NPAS2: variants seen among roughly 807,000 people sequenced by gnomAD.
The protein encoded by NPAS2 is neuronal PAS domain-containing protein 2.
NPAS2 carries 23 observed loss-of-function variants against 107.5 expected under a neutral mutation model. The observed-to-expected ratio is 0.21, with a 90% CI of 0.15 to 0.30. The LOEUF (loss-of-function observed/expected upper bound fraction) is 0.30. Ranked by LOEUF, NPAS2 falls within the 10% of genes least tolerant of loss-of-function variation. The pLI, the probability that NPAS2 is intolerant of heterozygous loss-of-function variation, is 1.00. For missense variants in NPAS2, 756 were observed against 1,043.3 expected, an observed-to-expected ratio of 0.72 and a Z score of 3.79; for synonymous variants, 403 against 417.5, an observed-to-expected ratio of 0.97 and a Z score of 0.42.
intron 2 of NPAS2, among the ~76,000 whole-genome samples, chr2:100,905,816 A>G (rs1180637428): frequency 6.6e-6 from 1 of 152,170 alleles, no homozygotes; most frequent in African/African-American, 2.4e-5. Flanking sequence ...TGTAAATGGT[A>G]GTGCCCTCAG....
rs1018488303 is a variant in NPAS2, at chr2:100,995,939, C to T, written c.*357C>T. 8 of 1,383,474 alleles carry T rather than the reference C, an allele frequency of 5.8e-6. No homozygotes were observed. The African/African-American group carries it at 7.2e-5, about 12-fold the overall frequency. The allele number at this position is 1,383,474 out of a possible 1,614,324, so 85.7% of individuals were successfully genotyped here. On this transcript the variant is annotated 3_prime_UTR_variant, in exon 21 of 21. Coordinates refer to ENST00000335681, the MANE Select transcript of NPAS2 (RefSeq NM_002518.4). ...TTGCTCTAGCCACCTGCGGCCCGCC[C>T]ATCTGCGCTAGCTGGCCTTCACGCT...
At chr2:100,860,626 T>C (rs1678879827) in intron 1 of NPAS2, among the ~76,000 whole-genome samples, 1 of 152,230 alleles carries the variant, frequency 6.6e-6, no homozygotes, top group South Asian at 2.1e-4. Context: ...GGAGGAGCTT[T>C]CCTTCTCCTC....
intron 20 of NPAS2, 127 bp from the exon 21 acceptor site, chr2:100,995,273 A>C: frequency 1.1e-5 from 8 of 702,304 alleles, no homozygotes; most frequent in Admixed American, 3.0e-5. Context: ...CTCTCCCCAC[A>C]TGACCCCCCA....
At chr2:100,843,819 T>A (rs1339821209) in intron 1 of NPAS2, among the ~76,000 whole-genome samples, 1 of 152,180 alleles carries the variant, frequency 6.6e-6, no homozygotes, top group Non-Finnish European at 1.5e-5. Context: ...GAATAATTCC[T>A]TTTCAGAGTG....
At chr2:100,910,380 TAGAC>T (rs1682464272) in intron 2 of NPAS2, among the ~76,000 whole-genome samples, 1 of 152,144 alleles carries the variant, frequency 6.6e-6, no homozygotes, top group African/African-American at 2.4e-5. Context: ...CTCGGGAGAA[TAGAC>T]AGCCTCAGCT....
At chr2:100,941,075 G>A (rs1219488244) in intron 5 of NPAS2, among the ~76,000 whole-genome samples, 1 of 152,194 alleles carries the variant, frequency 6.6e-6, no homozygotes, top group Non-Finnish European at 1.5e-5. Flanking sequence ...AGAGCAGCCA[G>A]AATTCCTTCC....
chr2:100,979,527 TTCTGAGACGGAG>T (rs1677299359), intron 15 of NPAS2, among the ~76,000 whole-genome samples: 1 of 116,590 alleles, frequency 8.6e-6, no homozygotes, highest in South Asian at 2.8e-4. Context: ...TTTTTTTTTT[TTCTGAGACGGAG>T]TTTCACTCTT....
chr2:100,943,590 G>T (rs961043001), intron 5 of NPAS2, among the ~76,000 whole-genome samples: 2 of 152,250 alleles, frequency 1.3e-5, no homozygotes, highest in East Asian at 1.9e-4. Flanking sequence ...CAGGGCCACA[G>T]GGGGCTGCAC....
At chr2:100,869,947 C>G (rs2104567559) in intron 1 of NPAS2, among the ~76,000 whole-genome samples, 1 of 146,218 alleles carries the variant, frequency 6.8e-6, no homozygotes, top group Admixed American at 6.9e-5. Context: ...CTCTGTCGCC[C>G]AGGCTGGAGT....
chr2:100,912,459 A>T (rs1283392578), intron 2 of NPAS2, among the ~76,000 whole-genome samples: 2 of 152,130 alleles, frequency 1.3e-5, no homozygotes, highest in East Asian at 3.9e-4. Context: ...CTATGTAACA[A>T]ACCACCCCAA....
chr2:100,848,797 A>G (rs979596448), intron 1 of NPAS2, among the ~76,000 whole-genome samples: 4 of 152,238 alleles, frequency 2.6e-5, no homozygotes, highest in Non-Finnish European at 4.4e-5. Context: ...TTTATGTCCA[A>G]TAAGACTCTC....
chr2:100,857,395 G>A lies in NPAS2; in HGVS notation c.-23+36981G>A, dbSNP rs138260451. On this transcript the variant is annotated intron_variant, in intron 1 of 20. Transcript: ENST00000335681. The stretch of plus-strand genomic sequence containing the variant: ...TGCTGAGCCCTTCCATATAGTAGAT[G>A]GCAGGGACATGGAAATAAAAAGCTC... 5.0e-3 allele frequency among the ~76,000 whole-genome samples: 762 copies of A among 152,150 alleles called. 6 individuals are homozygous for A. Among genetic ancestry groups the A allele is most frequent in the African/African-American group, 0.016 (652 of 41,500 alleles).
chr2:100,920,529 A>G (rs1259692024), intron 2 of NPAS2, among the ~76,000 whole-genome samples: 2 of 152,090 alleles, frequency 1.3e-5, no homozygotes, highest in Non-Finnish European at 2.9e-5. Flanking sequence ...TTTCTGCTCA[A>G]TCCCCTACTA....
At chr2:100,842,734 C>T (rs139528801) in intron 1 of NPAS2, among the ~76,000 whole-genome samples, 4 of 152,326 alleles carry the variant, frequency 2.6e-5, no homozygotes, top group Non-Finnish European at 5.9e-5. Flanking sequence ...CAGGTCAGCA[C>T]AGCCCACAGG....
At chr2:100,926,183 A>G (rs1683548904) in intron 3 of NPAS2, among the ~76,000 whole-genome samples, 1 of 152,040 alleles carries the variant, frequency 6.6e-6, no homozygotes, top group Non-Finnish European at 1.5e-5. Context: ...TCATCAGTTG[A>G]TGGATATTTG....
At chr2:100,904,245 A>G (rs1453208719) in intron 1 of NPAS2, among the ~76,000 whole-genome samples, 1 of 152,158 alleles carries the variant, frequency 6.6e-6, no homozygotes, top group Admixed American at 6.5e-5. Context: ...GATCCCAGGC[A>G]GGCACTGGGA....
At chr2:100,878,371 T>G (rs554397753) in intron 1 of NPAS2, 1 of 985,438 alleles carries the variant, frequency 1.0e-6, no homozygotes, top group Admixed American at 6.1e-5. Context: ...AATGTCCTTC[T>G]TTGGAAGCAG....
chr2:100,836,715 C>G (rs557100220), intron 1 of NPAS2, among the ~76,000 whole-genome samples: 1 of 152,298 alleles, frequency 6.6e-6, no homozygotes, highest in South Asian at 2.1e-4. Flanking sequence ...TCCAATGCCT[C>G]CCTGGGTTCT....
chr2:100,842,081 G>GCGCGCGTGCGCGCGCGCGCGCACACACA, intron 1 of NPAS2, among the ~76,000 whole-genome samples: 2 of 148,798 alleles, frequency 1.3e-5, no homozygotes, highest in African/African-American at 4.9e-5. Flanking sequence ...GCATGTACGC[G>GCGCGCGTGCGCGCGCGCGCGCACACACA]CACACACACA....
Sources: gnomAD v4.1 joint callset for allele counts (sites outside exome capture counted in the v4.1 genomes callset) on GRCh38, gnomAD v4.1.1 for gene constraint, MANE v1.5 for transcripts, NCBI Gene and HGNC (gene_info 2026-07-23, HGNC 2026-07-21) for gene names.